The following PDE7A variants were observed in gnomAD, a reference collection of about 807,000 sequenced individuals.
PDE7A encodes the protein phosphodiesterase 7A.
PDE7A carries 39 observed loss-of-function variants against 64.3 expected under a neutral mutation model. The observed-to-expected ratio is 0.61, with a 90% confidence interval of 0.47 to 0.79. The LOEUF is 0.79. Ranked by LOEUF, PDE7A falls within the 30% of genes least tolerant of loss-of-function variation. The pLI is 0.00. For missense variants in PDE7A, 470 were observed against 582.8 expected, an observed-to-expected ratio of 0.81 and a Z score of 1.99; for synonymous variants, 203 against 206.8, an observed-to-expected ratio of 0.98 and a Z score of 0.16.
Position 65,719,429 on chromosome 8 carries a change from G to C in PDE7A, c.1310C>G (p.Ser437Cys), listed in dbSNP as rs778126604. 88 of 1,613,950 alleles carry C rather than the reference G, an allele frequency of 5.5e-5. No individual in the cohort carries two copies. The highest frequency in any genetic ancestry group is 7.1e-5 in the Non-Finnish European group (84 of 1,179,910). The change falls in exon 13 of 13, where the codon TCC (serine) becomes TGC (cysteine). Residue 437 changes from serine to cysteine, a missense_variant. Coordinates refer to ENST00000401827, the MANE Select transcript of PDE7A (RefSeq NM_001242318.3). Reference protein sequence around the residue: ...EWARFSNTRLSQTMLGHVGLN... With the variant: ...EWARFSNTRLCQTMLGHVGLN... ...CCCCACGTGTCCAAGCATTGTCTGG[G>C]ATAGCCTTGTATTGGAAAACCTGGC...
chr8:65,830,736 C>T (rs191738960), intron 1 of PDE7A, among the ~76,000 whole-genome samples: 3 of 152,116 alleles, frequency 2.0e-5, no homozygotes, highest in African/African-American at 4.8e-5. Context: ...ACACAATTTT[C>T]GTATTTTTGT....
At chr8:65,817,451 A>T (rs1050860152) in intron 1 of PDE7A, among the ~76,000 whole-genome samples, 1 of 152,108 alleles carries the variant, frequency 6.6e-6, no homozygotes, top group Non-Finnish European at 1.5e-5. Context: ...AAAAATATAG[A>T]CTTTATTTGT....
intron 1 of PDE7A, among the ~76,000 whole-genome samples, chr8:65,826,357 G>C (rs572813505): frequency 1.3e-5 from 2 of 151,928 alleles, no homozygotes; most frequent in Non-Finnish European, 2.9e-5. Flanking sequence ...AGGTAGGACT[G>C]ATAGCACTGC....
intron 1 of PDE7A, among the ~76,000 whole-genome samples, chr8:65,799,760 A>G (rs1809945416): frequency 6.6e-6 from 1 of 152,210 alleles, no homozygotes; most frequent in Non-Finnish European, 1.5e-5. Context: ...TCCTCTGCCA[A>G]TCAAGACTGC....
At chr8:65,767,645 A>C (rs1218010881) in intron 3 of PDE7A, among the ~76,000 whole-genome samples, 2 of 152,116 alleles carry the variant, frequency 1.3e-5, no homozygotes, top group Non-Finnish European at 2.9e-5. Context: ...GCTGACCTCA[A>C]GAAGCTTTCA....
rs572526679 is a variant in PDE7A at position 65,718,172 on chromosome 8, G to A, written c.*1118C>T. The A allele has an allele frequency of 3.3e-5, 5 of 152,026 alleles. No homozygotes were observed. The highest frequency in any genetic ancestry group is 4.4e-5 in the Non-Finnish European group (3 of 68,024). The allele number at this position is 152,026 out of a possible 1,614,324, so 9.4% of individuals were successfully genotyped here. A position where few individuals can be genotyped will look rare whatever the true frequency, so the allele number is the denominator to read the frequency against. ...TTACCTACCAACCTTCCCCTCCCCC[G>A]AGTGTGGCTGCTCATTATGTCACAT... On this transcript the variant is annotated 3_prime_UTR_variant, in exon 13 of 13. Transcript: ENST00000401827.
chr8:65,726,927 C>T lies in PDE7A; in HGVS notation c.868G>A (p.Val290Met). 6.2e-7 allele frequency: 1 copy of T among 1,609,350 alleles called. No individual in the cohort carries two copies. Among genetic ancestry groups the T allele is most frequent in the East Asian group, 2.2e-5 (1 of 44,788 alleles). Residue 290 changes from valine (V) to methionine (M), a missense_variant, in exon 9 of 13, where the codon GTG becomes ATG. By Grantham distance (21) the Val-to-Met change is conservative. Coordinates refer to ENST00000401827, the MANE Select transcript of PDE7A (RefSeq NM_001242318.3). ...AAGCCTGATTCTCTCAATAAGCCCACTGCAGATCTCCAGTGGTGATTTTCC... is the reference window on the plus strand; with the variant it reads ...AAGCCTGATTCTCTCAATAAGCCCATTGCAGATCTCCAGTGGTGATTTTCC... ...VLENHHWRSA[V>M]GLLRESGLFS...
chr8:65,802,252 A>G (rs1810007712), intron 1 of PDE7A, among the ~76,000 whole-genome samples: 1 of 152,236 alleles, frequency 6.6e-6, no homozygotes, highest in Non-Finnish European at 1.5e-5. Context: ...GAAAACAGAT[A>G]ATGGTGATCA....
chr8:65,787,840 A>G (rs1212525825), intron 1 of PDE7A, among the ~76,000 whole-genome samples: 1 of 152,176 alleles, frequency 6.6e-6, no homozygotes, highest in Non-Finnish European at 1.5e-5. Context: ...CTAATGCATT[A>G]TTAACATTAA....
intron 1 of PDE7A, among the ~76,000 whole-genome samples, chr8:65,803,102 G>A (rs534581875): frequency 2.2e-4 from 33 of 152,314 alleles, no homozygotes; most frequent in East Asian, 1.5e-3. Flanking sequence ...CGTGAGCCAA[G>A]TACACCTCTT....
intron 9 of PDE7A, among the ~76,000 whole-genome samples, chr8:65,726,275 C>T (rs761908037): frequency 9.9e-5 from 15 of 152,148 alleles, no homozygotes; most frequent in South Asian, 2.1e-4. Context: ...CCATCACCAT[C>T]GTGTTAGCCT....
intron 7 of PDE7A, chr8:65,728,130 A>G (rs1806684882): frequency 6.6e-6 from 1 of 152,168 alleles, no homozygotes; most frequent in African/African-American, 2.4e-5. Context: ...TCATCAGAGC[A>G]TGGTATTATT....
At chr8:65,832,873 G>A (rs1013839570) in intron 1 of PDE7A, among the ~76,000 whole-genome samples, 3 of 152,038 alleles carry the variant, frequency 2.0e-5, no homozygotes, top group African/African-American at 4.8e-5. Context: ...CCTAGCTATT[G>A]GTACTTATTT....
intron 3 of PDE7A, among the ~76,000 whole-genome samples, chr8:65,757,276 A>C (rs1563491284): frequency 1.3e-5 from 2 of 152,238 alleles, no homozygotes; most frequent in Non-Finnish European, 2.9e-5. Context: ...TGACACACTC[A>C]ACATTACAAC....
At chr8:65,824,748 A>G (rs1327143246) in intron 1 of PDE7A, among the ~76,000 whole-genome samples, 3 of 152,326 alleles carry the variant, frequency 2.0e-5, no homozygotes, top group East Asian at 3.9e-4. Context: ...AAGTGTGTAC[A>G]TTGTTTTTAT....
chr8:65,747,255 G>A (rs1807715304), intron 4 of PDE7A, among the ~76,000 whole-genome samples: 1 of 152,150 alleles, frequency 6.6e-6, no homozygotes, highest in Non-Finnish European at 1.5e-5. Flanking sequence ...CCTCTAACCA[G>A]CTGGGTGGGC....
chr8:65,743,418 G>A (rs1284708328), intron 5 of PDE7A, among the ~76,000 whole-genome samples: 2 of 152,188 alleles, frequency 1.3e-5, no homozygotes, highest in East Asian at 1.9e-4. Flanking sequence ...CAAAGGAAAA[G>A]TAGAAGAGAG....
At chr8:65,727,428 A>G (rs1006435783) in intron 7 of PDE7A, 127 bp from the exon 8 acceptor site, 3 of 1,370,648 alleles carry the variant, frequency 2.2e-6, no homozygotes, top group Non-Finnish European at 2.9e-6. Flanking sequence ...GTCATTCCTC[A>G]GGTGGTTGTT....
At chr8:65,837,764 T>C (rs1180901286) in intron 1 of PDE7A, among the ~76,000 whole-genome samples, 1 of 152,200 alleles carries the variant, frequency 6.6e-6, no homozygotes, top group Admixed American at 6.5e-5. Context: ...CAACATACCA[T>C]TAATACAGTG....
Sources: gnomAD v4.1 joint callset for allele counts (sites outside exome capture counted in the v4.1 genomes callset) on GRCh38, gnomAD v4.1.1 for gene constraint, MANE v1.5 for transcripts, NCBI Gene and HGNC (gene_info 2026-07-23, HGNC 2026-07-21) for gene names.